NUCB1: variants seen among roughly 807,000 people sequenced by gnomAD.
NUCB1 encodes nucleobindin-1.
In NUCB1, 47 loss-of-function variants were observed where a neutral mutation model predicts 61.2. That is an observed-to-expected ratio of 0.77 (90% CI 0.61 to 0.98). NUCB1 has a LOEUF of 0.98. Ranked by LOEUF, NUCB1 falls within the 50% of genes least tolerant of loss-of-function variation. The pLI is 0.00. For missense variants in NUCB1, 583 were observed against 605.3 expected (o/e 0.96, Z 0.39); for synonymous variants, 234 against 243.1 (o/e 0.96, Z 0.35).
intron 3 of NUCB1, 77 bp downstream of exon 3, chr19:48,904,531 T>C: frequency 3.5e-6 from 3 of 849,242 alleles, no homozygotes; most frequent in Non-Finnish European, 5.4e-6. Context: ...TGGTTTCTTT[T>C]TTTTTTTTTT....
chr19:48,922,883 C>A lies in NUCB1; in HGVS notation c.*459C>A. On this transcript the variant is annotated 3_prime_UTR_variant, in exon 13 of 13. Coordinates refer to ENST00000405315, the MANE Select transcript of NUCB1 (RefSeq NM_006184.6). ...TGATTAATGAGGGCATGGGGTGGTC[C>A]CTCAAGACCTTCCCCTACCTTTTGT... The A allele has an allele frequency of 6.3e-6, 1 of 159,488 alleles. No homozygotes were observed. The highest frequency in any genetic ancestry group is 1.7e-4 in the South Asian group (1 of 5,840). The allele number at this position is 159,488 out of a possible 1,614,324, so 9.9% of individuals were successfully genotyped here.
intron 1 of NUCB1, 197 bp downstream of exon 1, chr19:48,900,569 C>A (rs1166880067): frequency 1.0e-5 from 6 of 594,588 alleles, no homozygotes; most frequent in South Asian, 4.2e-5. Flanking sequence ...GAGAGAGGAG[C>A]GTGTTGGGAG....
At chr19:48,905,906 A>T (rs1166293670) in intron 4 of NUCB1, 21 bp downstream of exon 4, 112 of 320,378 alleles carry the variant, frequency 3.5e-4, no homozygotes, top group Non-Finnish European at 5.9e-4. Context: ...GCAGGGCGGG[A>T]GGGACAGGCA....
At chr19:48,906,844 C>T (rs775173409) in intron 4 of NUCB1, among the ~76,000 whole-genome samples, 64 of 152,204 alleles carry the variant, frequency 4.2e-4, no homozygotes, top group Non-Finnish European at 7.8e-4. Context: ...CTTTGTCACT[C>T]ACGTTTGGGA....
intron 7 of NUCB1, 47 bp from the exon 8 acceptor site, chr19:48,918,679 T>A: frequency 6.6e-7 from 1 of 1,525,500 alleles, no homozygotes. Context: ...ACCTTACACA[T>A]CCCGTCCTCG....
At chr19:48,922,164 T>G (rs75497237) in intron 12 of NUCB1, among the ~76,000 whole-genome samples, 154 bp from the exon 13 acceptor site, 513 of 23,016 alleles carry the variant, frequency 0.022, 4 homozygotes, top group African/African-American at 0.097. Context: ...TGGGTGTGAG[T>G]GAGGAGGGGC....
chr19:48,910,801 C>G (rs1183398634), intron 4 of NUCB1: 3 of 201,316 alleles, frequency 1.5e-5, no homozygotes, highest in African/African-American at 4.7e-5. Context: ...GTCACAACCC[C>G]TCAAGGGGTC....
Position 48,905,714 on chromosome 19 carries a change from G to A in NUCB1, c.244-39G>A, listed in dbSNP as rs1459943195. ...AAGAAGCTTCCAGAGAAGACAGAGA[G>A]CAGGCCCCCAGGCTGACCAGGGTCT... On this transcript the variant is annotated intron_variant, in intron 3 of 12. Transcript: ENST00000405315. The A allele has an allele frequency of 2.5e-6, 4 of 1,612,266 alleles. No homozygotes were observed. In the Admixed American group the frequency reaches 5.0e-5, roughly 20 times the overall value.
At position 48,905,831 on chromosome 19, in the gene NUCB1, G is replaced by T; in HGVS notation, c.322G>T (p.Val108Leu). 6.2e-7 allele frequency: 1 copy of T among 1,611,680 alleles called. No individual in the cohort carries two copies. The highest frequency in any genetic ancestry group is 8.5e-7 in the Non-Finnish European group (1 of 1,178,586). ...GCTGGATGAGCTCAAGCGACAGGAGGTGTCACGGCTGCGGATGCTGCTCAA... is the reference window on the plus strand; with the variant it reads ...GCTGGATGAGCTCAAGCGACAGGAGTTGTCACGGCTGCGGATGCTGCTCAA... ...TKLDELKRQEVSRLRMLLKAK... is the reference protein window; with the variant it reads ...TKLDELKRQELSRLRMLLKAK... The change falls in exon 4 of 13, where the codon GTG (valine) becomes TTG (leucine). Residue 108 changes from valine to leucine, a missense_variant. Physicochemically the swap from Val to Leu is conservative, Grantham distance 32 (BLOSUM62 1). Coordinates refer to ENST00000405315, the MANE Select transcript of NUCB1 (RefSeq NM_006184.6).
chr19:48,921,433 T>TG, intron 11 of NUCB1, 109 bp downstream of exon 11: 1 of 1,242,928 alleles, frequency 8.0e-7, no homozygotes, highest in Non-Finnish European at 1.2e-6. Flanking sequence ...TGTTAATCAC[T>TG]GGGGGAGCCT....
Position 48,904,430 on chromosome 19 carries a change from G to C in NUCB1, c.219G>C (p.Gln73His), listed in dbSNP as rs966768703. The C allele has an allele frequency of 6.2e-7, 1 of 1,613,224 alleles. No individual in the cohort carries two copies. The highest frequency in any genetic ancestry group is 1.3e-5 in the African/African-American group (1 of 74,856). ...ETDGHFREKL[Q>H]AANAEDIKSG... The stretch of plus-strand genomic sequence containing the variant: ...ATGGGCATTTCCGAGAGAAGCTGCA[G>C]GCTGCCAATGCGGAGGACATCAAGG... Residue 73 changes from glutamine (Q) to histidine (H), a missense_variant, in exon 3 of 13, where the codon CAG becomes CAC. Coordinates refer to ENST00000405315, the MANE Select transcript of NUCB1 (RefSeq NM_006184.6).
In NUCB1 at chr19:48,922,702, C is replaced by T. The variant is rs1244358260; in HGVS notation, c.*278C>T. The T allele has an allele frequency of 5.0e-6, 2 of 397,972 alleles. No homozygotes were observed. Among genetic ancestry groups the T allele is most frequent in the Non-Finnish European group, 9.4e-6 (2 of 212,702 alleles). The allele number at this position is 397,972 out of a possible 1,614,324, so 24.7% of individuals were successfully genotyped here. On this transcript the variant is annotated 3_prime_UTR_variant, in exon 13 of 13. Coordinates refer to ENST00000405315, the MANE Select transcript of NUCB1 (RefSeq NM_006184.6). ...GTGATCGGCTTAACTTAGAGAAGCC[C>T]GCCCCCTCCCCTTCTCCGTCTGTCC... is the stretch of plus-strand genomic sequence containing the variant.
intron 10 of NUCB1, among the ~76,000 whole-genome samples, 173 bp from the exon 11 acceptor site, chr19:48,920,981 C>T (rs1322768955): frequency 6.6e-6 from 1 of 152,214 alleles, no homozygotes; most frequent in African/African-American, 2.4e-5. Flanking sequence ...GGTGCCCGGC[C>T]TTGTCTCTCG....
rs748037603 is a variant in NUCB1, at chr19:48,913,164, C to T, written c.634C>T (p.Arg212Trp). 49 of 1,613,536 alleles carry T rather than the reference C, an allele frequency of 3.0e-5. No homozygotes were observed. Among genetic ancestry groups the T allele is most frequent in the Non-Finnish European group, 3.4e-5 (40 of 1,179,892 alleles). Reference protein sequence around the residue: ...AERKLEEQQRRHREHPKVNVP... With the variant: ...AERKLEEQQRWHREHPKVNVP... ...GAGGAAGCTGGAAGAGCAACAGCGCCGGCACCGCGAGCACCCTAAAGTCAA... is the reference window on the plus strand; with the variant it reads ...GAGGAAGCTGGAAGAGCAACAGCGCTGGCACCGCGAGCACCCTAAAGTCAA... Residue 212 changes from arginine (R) to tryptophan (W), a missense_variant, in exon 6 of 13, where the codon CGG becomes TGG. Transcript: ENST00000405315.
Position 48,913,047 on chromosome 19 carries a change from C to T in NUCB1, c.517C>T (p.His173Tyr). Residue 173 changes from histidine to tyrosine, a missense_variant, in exon 6 of 13, where the codon CAT (histidine) becomes TAT (tyrosine). Physicochemically the swap from His to Tyr is moderately conservative, Grantham distance 83. Transcript: ENST00000405315. ...RDLAQYDAAH[H>Y]EEFKRYEMLK... is the part of the protein sequence containing the mutation. ...CCTTGCCCAGTACGACGCAGCCCATCATGAAGAGTTCAAGCGCTACGAGAT... is the reference window on the plus strand; with the variant it reads ...CCTTGCCCAGTACGACGCAGCCCATTATGAAGAGTTCAAGCGCTACGAGAT... The T allele has an allele frequency of 6.2e-7, 1 of 1,613,482 alleles. No individual in the cohort carries two copies. Among genetic ancestry groups the T allele is most frequent in the South Asian group, 1.1e-5 (1 of 91,062 alleles).
At chr19:48,922,102 AGGGGCTG>A (rs1228493641) in intron 12 of NUCB1, among the ~76,000 whole-genome samples, 170 bp downstream of exon 12, 2 of 115,588 alleles carry the variant, frequency 1.7e-5, no homozygotes, top group Non-Finnish European at 3.6e-5. Flanking sequence ...CTGAGGGAGG[AGGGGCTG>A]GGGGCTGGGA....
At chr19:48,901,240 T>C in intron 2 of NUCB1, 1 of 505,730 alleles carries the variant, frequency 2.0e-6, no homozygotes, top group Non-Finnish European at 3.6e-6. Flanking sequence ...ACCATGTTGC[T>C]AGTTCCCAGT....
rs565524648 is a variant in NUCB1 at position 48,902,425 on chromosome 19, T to C, written c.135+1494T>C. On this transcript the variant is annotated intron_variant, in intron 2 of 12. Coordinates refer to ENST00000405315, the MANE Select transcript of NUCB1 (RefSeq NM_006184.6). The stretch of plus-strand genomic sequence containing the variant: ...CATTTTTTCTTTTCCTTTTTCTTTT[T>C]TTTTTTTTTTTTTATTTTTGCTGTG... Among the ~76,000 whole-genome samples, 160 of 148,378 alleles carry C rather than the reference T, an allele frequency of 1.1e-3. 6 individuals carry two copies. The East Asian group carries it at 0.029, about 27-fold the overall frequency.
At position 48,922,608 on chromosome 19, in the gene NUCB1, C is replaced by CG. The variant is rs979471564; in HGVS notation, c.*184_*185insG. 1.7e-6 allele frequency: 1 copy of CG among 585,766 alleles called. No individual in the cohort carries two copies. Among genetic ancestry groups the CG allele is most frequent in the African/African-American group, 1.9e-5 (1 of 53,646 alleles). 36.3% of individuals were successfully genotyped at this position (585,766 alleles called of 1,614,324 possible). Reference sequence around the variant, plus strand: ...CCACCTGTCTCCACTTTCACAGCCTCCAAGTCTGTGGCTCTTCCCTTCTGT... The same window carrying CG: ...CCACCTGTCTCCACTTTCACAGCCTCGCAAGTCTGTGGCTCTTCCCTTCTGT... On this transcript the variant is annotated 3_prime_UTR_variant, in exon 13 of 13. Transcript: ENST00000405315.
Sources: allele counts gnomAD v4.1 joint callset (sites outside exome capture counted in the v4.1 genomes callset), GRCh38; gene constraint gnomAD v4.1.1; transcripts MANE v1.5; gene names NCBI Gene and HGNC (gene_info 2026-07-23, HGNC 2026-07-21).